VPS37A: variants seen among roughly 807,000 people sequenced by gnomAD.
The protein encoded by VPS37A is VPS37A subunit of ESCRT-I.
In VPS37A, 30 loss-of-function variants were observed where a neutral mutation model predicts 49.8. The observed-to-expected ratio is 0.60, with a 90% CI of 0.45 to 0.82. VPS37A has a LOEUF of 0.82. Among genes scored for constraint, VPS37A ranks in the 40% least tolerant of loss-of-function variants. VPS37A has a pLI of 0.00. For synonymous variants in VPS37A, 195 were observed against 160.6 expected (o/e 1.21, Z -1.62); for missense variants, 593 against 464.4 (o/e 1.28, Z -2.55).
At chr8:17,311,770 T>G in the VPS37A span, 1 of 1,393,870 alleles carries the variant, frequency 7.2e-7, no homozygotes, top group Non-Finnish European at 9.8e-7. Context: ...TTCGTCTGTT[T>G]AGGGCCCCCC....
At chr8:17,262,183 G>A (rs973262712) in intron 1 of VPS37A, among the ~76,000 whole-genome samples, 3 of 152,084 alleles carry the variant, frequency 2.0e-5, no homozygotes, top group African/African-American at 7.2e-5. Context: ...TCACTTCTCT[G>A]TGGCCCTGAG....
rs1337293338 is a variant in VPS37A at position 17,297,055 on chromosome 8, A to G, written c.*2069A>G. 6.6e-6 allele frequency: 1 copy of G among 152,168 alleles called. No homozygotes were observed. The highest frequency in any genetic ancestry group is 1.5e-5 in the Non-Finnish European group (1 of 68,010). 9.4% of individuals were successfully genotyped at this position (152,168 alleles called of 1,614,324 possible). A position where few individuals can be genotyped will look rare whatever the true frequency, so the allele number is the denominator to read the frequency against. ...TTAAGTGACCATTTTTTCTAATTTT[A>G]TGGCTATATATTTTCTTCATAAAAA... On this transcript the variant is annotated 3_prime_UTR_variant, in exon 12 of 12. Coordinates refer to ENST00000324849, the MANE Select transcript of VPS37A (RefSeq NM_152415.3).
Position 17,246,988 on chromosome 8 carries a change from T to G in VPS37A, c.-257T>G. On this transcript the variant is annotated 5_prime_UTR_variant, in exon 1 of 12. Transcript: ENST00000324849. ...GCGGCCAGGCTCCCTGGCTGGCCGG[T>G]TTGGGCGTCTGGGCCGTGAAGGTGG... 2 of 493,576 alleles carry G rather than the reference T, an allele frequency of 4.1e-6. No homozygotes were observed. The highest frequency in any genetic ancestry group is 7.2e-6 in the Non-Finnish European group (2 of 277,056). 30.6% of individuals were successfully genotyped at this position (493,576 alleles called of 1,614,324 possible).
intron 1 of VPS37A, among the ~76,000 whole-genome samples, chr8:17,258,264 C>G (rs113566158): frequency 0.027 from 4,138 of 152,194 alleles, 168 homozygotes; most frequent in African/African-American, 0.093. Context: ...TCCACATTCA[C>G]TATAATGTCA....
chr8:17,324,687 T>A, the VPS37A span, among the ~76,000 whole-genome samples: 5 of 152,242 alleles, frequency 3.3e-5, no homozygotes, highest in African/African-American at 1.2e-4. Context: ...AGAACACTTG[T>A]TAATAGGCCA....
chr8:17,316,601 C>T, the VPS37A span, among the ~76,000 whole-genome samples: 6 of 151,934 alleles, frequency 3.9e-5, no homozygotes, highest in Non-Finnish European at 8.8e-5. Flanking sequence ...TCTGTATTCT[C>T]GGGTTCCACA....
At chr8:17,266,311 G>C (rs7013924) in intron 2 of VPS37A, among the ~76,000 whole-genome samples, 1 of 151,908 alleles carries the variant, frequency 6.6e-6, no homozygotes, top group Non-Finnish European at 1.5e-5. Flanking sequence ...ATATAAAGCC[G>C]TTAGAGATAG....
At chr8:17,308,601 G>T in the VPS37A span, among the ~76,000 whole-genome samples, 1 of 152,068 alleles carries the variant, frequency 6.6e-6, no homozygotes, top group Non-Finnish European at 1.5e-5. Context: ...TATCACCAAA[G>T]ACTAAACTAA....
In VPS37A at chr8:17,247,415, G is replaced by T; in HGVS notation, c.125+46G>T. 2.0e-6 allele frequency: 3 copies of T among 1,479,244 alleles called. No homozygotes were observed. In the South Asian group the frequency reaches 3.7e-5, roughly 18 times the overall value. The allele number at this position is 1,479,244 out of a possible 1,614,324, so 91.6% of individuals were successfully genotyped here. ...CACCGGAGGAAAAAGTAGGGTGGGA[G>T]GGCGGGCTTGTCCTAACCACCCTCA... On this transcript the variant is annotated intron_variant, in intron 1 of 11. Transcript: ENST00000324849.
At chr8:17,252,550 A>T (rs564792068) in intron 1 of VPS37A, among the ~76,000 whole-genome samples, 1 of 152,176 alleles carries the variant, frequency 6.6e-6, no homozygotes. Context: ...AAGGCAGAAG[A>T]TTTCCCCTAT....
At chr8:17,256,298 T>TTTTTTTTTTTTG (rs1314820945) in intron 1 of VPS37A, among the ~76,000 whole-genome samples, 1 of 123,726 alleles carries the variant, frequency 8.1e-6, no homozygotes, top group African/African-American at 3.3e-5. Context: ...TGATTTTTTT[T>TTTTTTTTTTTTG]TTTTTTTTTT....
chr8:17,307,586 T>G, the VPS37A span, among the ~76,000 whole-genome samples: 2 of 151,950 alleles, frequency 1.3e-5, no homozygotes, highest in African/African-American at 4.8e-5. Context: ...CACATGCACA[T>G]GAATGTTTAT....
At chr8:17,272,674 A>G (rs967437748) in intron 4 of VPS37A, among the ~76,000 whole-genome samples, 4 of 152,192 alleles carry the variant, frequency 2.6e-5, no homozygotes, top group Admixed American at 2.0e-4. Flanking sequence ...TATTGTTTCT[A>G]AATAGCTTGT....
intron 1 of VPS37A, among the ~76,000 whole-genome samples, chr8:17,249,762 A>G (rs1811799186): frequency 6.6e-6 from 1 of 152,226 alleles, no homozygotes; most frequent in African/African-American, 2.4e-5. Context: ...CCCTCCTGTA[A>G]CAAAAGACAG....
chr8:17,263,549 C>T (rs979342827), intron 1 of VPS37A, among the ~76,000 whole-genome samples: 2 of 152,024 alleles, frequency 1.3e-5, no homozygotes, highest in African/African-American at 4.8e-5. Flanking sequence ...TAGGAACTGT[C>T]ATCAGTATAA....
chr8:17,272,517 A>G (rs928924566), intron 4 of VPS37A, among the ~76,000 whole-genome samples: 3 of 152,208 alleles, frequency 2.0e-5, no homozygotes, highest in South Asian at 2.1e-4. Context: ...GTTCGGGGAT[A>G]TAGTACCATT....
chr8:17,293,921 C>T (rs1020234892), intron 11 of VPS37A, among the ~76,000 whole-genome samples: 1 of 152,220 alleles, frequency 6.6e-6, no homozygotes, highest in Non-Finnish European at 1.5e-5. Flanking sequence ...TGTCAGGAGG[C>T]ACGGTGGTCA....
intron 11 of VPS37A, among the ~76,000 whole-genome samples, chr8:17,289,830 C>T (rs551737915): frequency 1.3e-5 from 2 of 152,228 alleles, no homozygotes; most frequent in African/African-American, 2.4e-5. Flanking sequence ...TCTTTCTATC[C>T]ATGAGCATGG....
chr8:17,248,396 C>T (rs1353429228), intron 1 of VPS37A: 1 of 455,510 alleles, frequency 2.2e-6, no homozygotes, highest in Non-Finnish European at 4.4e-6. Context: ...CCCCACACCC[C>T]TCCGAGTAGC....
Sources: allele counts gnomAD v4.1 joint callset (sites outside exome capture counted in the v4.1 genomes callset), GRCh38; gene constraint gnomAD v4.1.1; transcripts MANE v1.5; gene names NCBI Gene and HGNC (gene_info 2026-07-23, HGNC 2026-07-21).